Variants in SHQ1 observed in about 807,000 individuals in gnomAD.
The protein encoded by SHQ1 is SHQ1, H/ACA ribonucleoprotein assembly factor.
A neutral mutation model predicts 53.8 loss-of-function variants in SHQ1; 49 were observed. The ratio of observed to expected loss-of-function variants is 0.91; its 90% CI spans 0.72 to 1.16. SHQ1 has a LOEUF of 1.16. SHQ1 is among the 50% of genes most tolerant of loss of function. The pLI, the probability that SHQ1 is intolerant of heterozygous loss-of-function variation, is 0.00. For synonymous variants in SHQ1, 243 were observed against 251.0 expected, an observed-to-expected ratio of 0.97 and a Z score of 0.30; for missense variants, 738 against 683.1, an observed-to-expected ratio of 1.08 and a Z score of -0.90.
chr3:72,793,155 C>CA, intron 9 of SHQ1, 119 bp from the exon 10 acceptor site: 1 of 931,054 alleles, frequency 1.1e-6, no homozygotes, highest in Non-Finnish European at 1.6e-6. Context: ...TTTTTAAATG[C>CA]AAAAAAATTT....
chr3:72,833,169 T>C (rs1332067786), intron 4 of SHQ1, among the ~76,000 whole-genome samples: 1 of 152,132 alleles, frequency 6.6e-6, no homozygotes, highest in Non-Finnish European at 1.5e-5. Flanking sequence ...AAGCTGGGTG[T>C]GGTGGCTCAC....
At chr3:72,726,153 C>A in the SHQ1 span, among the ~76,000 whole-genome samples, 1,891 of 152,230 alleles carry the variant, frequency 0.012, 54 homozygotes, top group African/African-American at 0.043. Flanking sequence ...GATAAAGAAA[C>A]TGAGGCACCA....
At chr3:72,816,583 A>C (rs919420483) in intron 7 of SHQ1, among the ~76,000 whole-genome samples, 3 of 152,208 alleles carry the variant, frequency 2.0e-5, no homozygotes, top group South Asian at 2.1e-4. Flanking sequence ...CTCTTCATTT[A>C]CAAAATCAAA....
chr3:72,762,934 CA>C (rs1705641525), intron 10 of SHQ1, among the ~76,000 whole-genome samples: 2 of 140,288 alleles, frequency 1.4e-5, no homozygotes, highest in Admixed American at 7.0e-5. Context: ...CTCAGCCTCC[CA>C]AAGTGCTGGG....
intron 10 of SHQ1, among the ~76,000 whole-genome samples, chr3:72,787,898 T>G (rs1706289899): frequency 6.6e-6 from 1 of 152,212 alleles, no homozygotes; most frequent in Non-Finnish European, 1.5e-5. Flanking sequence ...TATTTTTTGG[T>G]GCAGACGGGG....
chr3:72,828,454 G>A (rs62249865), intron 5 of SHQ1, among the ~76,000 whole-genome samples: 33,079 of 152,070 alleles, frequency 0.22, 3,823 homozygotes, highest in Non-Finnish European at 0.24. Flanking sequence ...CAACACTTTG[G>A]GAGGCCAAGG....
At chr3:72,755,302 A>ATG (rs1559658881) in intron 10 of SHQ1, among the ~76,000 whole-genome samples, 17 of 150,216 alleles carry the variant, frequency 1.1e-4, no homozygotes, top group African/African-American at 4.0e-4. Flanking sequence ...ATGGATGGAT[A>ATG]GATGGATGGA....
At chr3:72,744,925 G>GCA (rs1491302343), downstream of SHQ1, among the ~76,000 whole-genome samples, 2 of 118,958 alleles carry the variant, frequency 1.7e-5, no homozygotes, top group African/African-American at 8.4e-5. Context: ...TGATACATTG[G>GCA]GGGGGGGGGG....
chr3:72,799,876 C>G lies in SHQ1; in HGVS notation c.1061-6840G>C, dbSNP rs527822697. Among the ~76,000 whole-genome samples, 78 of 152,272 alleles carry G rather than the reference C, an allele frequency of 5.1e-4. 1 individual carries two copies. In the South Asian group the frequency reaches 0.013, roughly 25 times the overall value. ...CTCAATTCAACTCATAATTTACCAT[C>G]TATCCAAGTCTCAAATCAGGCATTA... On this transcript the variant is annotated intron_variant, in intron 9 of 10. Transcript: ENST00000325599.
Position 72,788,384 on chromosome 3 carries a change from G to C in SHQ1, c.1181+4532C>G, listed in dbSNP as rs566090793. Among the ~76,000 whole-genome samples the C allele has an allele frequency of 4.4e-3, 659 of 151,266 alleles. 3 individuals carry two copies. The highest frequency in any genetic ancestry group is 7.3e-3 in the Non-Finnish European group (497 of 67,784). ...CGCCGCCACCCCATCTGGGAGGTGAGGAGCATCTCTGACCAGCCGCCCCGT... is the reference window on the plus strand; with the variant it reads ...CGCCGCCACCCCATCTGGGAGGTGACGAGCATCTCTGACCAGCCGCCCCGT... On this transcript the variant is annotated intron_variant, in intron 10 of 10. Coordinates refer to ENST00000325599, the MANE Select transcript of SHQ1 (RefSeq NM_018130.3).
At chr3:72,827,996 C>A (rs1707711718) in intron 5 of SHQ1, among the ~76,000 whole-genome samples, 1 of 151,912 alleles carries the variant, frequency 6.6e-6, no homozygotes, top group South Asian at 2.1e-4. Context: ...ACCTCATGAC[C>A]CACCCCCTCA....
chr3:72,746,004 G>GCC, downstream of SHQ1, among the ~76,000 whole-genome samples: 1 of 152,040 alleles, frequency 6.6e-6, no homozygotes, highest in Non-Finnish European at 1.5e-5. Flanking sequence ...CCACCCCCAG[G>GCC]TAAGTTGTTT....
In SHQ1 at chr3:72,827,064, C is replaced by T. The variant is rs62249864; in HGVS notation, c.600-2513G>A. 1.3e-3 allele frequency among the ~76,000 whole-genome samples: 199 copies of T among 152,200 alleles called. 1 individual carries two copies. Among genetic ancestry groups the T allele is most frequent in the African/African-American group, 4.5e-3 (188 of 41,526 alleles). On this transcript the variant is annotated intron_variant, in intron 5 of 10. Transcript: ENST00000325599. ...GAAAAGTGGATGAATCTGACCTATA[C>T]GTAGATGACAGAACCCTCAGGTTGT... is the stretch of plus-strand genomic sequence containing the variant.
intron 5 of SHQ1, 21 bp from the exon 6 acceptor site, chr3:72,824,572 A>G (rs1490857937): frequency 6.2e-7 from 1 of 1,602,358 alleles, no homozygotes; most frequent in Middle Eastern, 1.7e-4. Context: ...ACATTGAAAG[A>G]ACTTACTATA....
At chr3:72,773,097 G>A (rs947147342) in intron 10 of SHQ1, 4 of 791,692 alleles carry the variant, frequency 5.1e-6, no homozygotes, top group Non-Finnish European at 8.9e-6. Context: ...AGGAAAAACA[G>A]GCCAAACTTC....
chr3:72,786,400 G>GCCAAGC (rs1706233483), intron 10 of SHQ1, among the ~76,000 whole-genome samples: 1 of 152,140 alleles, frequency 6.6e-6, no homozygotes, highest in Non-Finnish European at 1.5e-5. Context: ...TCTTTAGGTG[G>GCCAAGC]CCAAGCCTCT....
At chr3:72,729,511 A>T in the SHQ1 span, among the ~76,000 whole-genome samples, 13 of 152,358 alleles carry the variant, frequency 8.5e-5, no homozygotes, top group South Asian at 2.5e-3. Flanking sequence ...ACCAGGAAAA[A>T]AATAAAAGGC....
rs1285556409 is a variant in SHQ1, at chr3:72,824,457, T to C, written c.694A>G (p.Lys232Glu). ...GCATGATTTTCTTGTTCCTGACTCT[T>C]TTCCAAAAAGGCCATCATTTTTGAA... ...KYSKMMAFLE[K>E]SQEQENHATL... is the part of the protein sequence containing the mutation. The change falls in exon 6 of 11, where the codon AAG becomes GAG. Residue 232 changes from lysine to glutamate, a missense_variant. Physicochemically the swap from Lys to Glu is moderately conservative, Grantham distance 56. Transcript: ENST00000325599. The C allele has an allele frequency of 3.1e-6, 5 of 1,612,442 alleles. No individual in the cohort carries two copies. Among genetic ancestry groups the C allele is most frequent in the African/African-American group, 1.3e-5 (1 of 75,014 alleles).
intron 10 of SHQ1, among the ~76,000 whole-genome samples, chr3:72,784,030 A>G (rs1706149122): frequency 6.6e-6 from 1 of 152,152 alleles, no homozygotes; most frequent in Non-Finnish European, 1.5e-5. Context: ...ATATCATTCC[A>G]ATATAAGAGG....
Sources: gnomAD v4.1 joint callset for allele counts (sites outside exome capture counted in the v4.1 genomes callset) on GRCh38, gnomAD v4.1.1 for gene constraint, MANE v1.5 for transcripts, NCBI Gene and HGNC (gene_info 2026-07-23, HGNC 2026-07-21) for gene names.